VRK2: variants seen among roughly 807,000 people sequenced by gnomAD.
VRK2 encodes serine/threonine-protein kinase VRK2.
Under a neutral mutation model 57.6 loss-of-function variants are expected in VRK2, and 60 were observed. The ratio of observed to expected loss-of-function variants is 1.04; its 90% CI spans 0.85 to 1.29. The LOEUF (loss-of-function observed/expected upper bound fraction) is 1.29. VRK2 is among the 50% of genes most tolerant of loss of function. The pLI is 0.00. For synonymous variants in VRK2, 231 were observed against 199.2 expected (o/e 1.16, Z -1.35); for missense variants, 705 against 588.1 (o/e 1.20, Z -2.06).
intron 1 of VRK2, among the ~76,000 whole-genome samples, chr2:58,010,073 G>A (rs932620179): frequency 2.0e-5 from 3 of 152,044 alleles, no homozygotes; most frequent in African/African-American, 7.2e-5. Flanking sequence ...GCCTAGGGCA[G>A]GATTTATTTT....
chr2:57,950,909 T>C (rs1671407501), intron 1 of VRK2, among the ~76,000 whole-genome samples: 1 of 151,870 alleles, frequency 6.6e-6, no homozygotes, highest in African/African-American at 2.4e-5. Context: ...CTGGCCAACA[T>C]GGTGAAACTC....
intron 1 of VRK2, among the ~76,000 whole-genome samples, chr2:57,927,686 T>A (rs1454936570): frequency 6.6e-6 from 1 of 152,230 alleles, no homozygotes; most frequent in African/African-American, 2.4e-5. Flanking sequence ...TTTTTTCAGA[T>A]TAAAAAACTC....
At chr2:57,998,615 G>C (rs962419880) in intron 1 of VRK2, among the ~76,000 whole-genome samples, 4 of 152,052 alleles carry the variant, frequency 2.6e-5, no homozygotes, top group African/African-American at 7.2e-5. Flanking sequence ...AGATTATATT[G>C]AGAATTTTAT....
intron 7 of VRK2, 137 bp from the exon 8 acceptor site, chr2:58,122,964 A>G: frequency 9.2e-7 from 1 of 1,092,136 alleles, no homozygotes; most frequent in East Asian, 3.0e-5. Context: ...TACATATTTT[A>G]TCCTAAGGCA....
chr2:57,935,860 G>A (rs1240197765), intron 1 of VRK2, among the ~76,000 whole-genome samples: 1 of 152,160 alleles, frequency 6.6e-6, no homozygotes, highest in East Asian at 1.9e-4. Context: ...TTGGAGGAAG[G>A]GTAACAGATA....
chr2:57,977,930 G>A (rs1008254881), intron 1 of VRK2, among the ~76,000 whole-genome samples: 1 of 151,120 alleles, frequency 6.6e-6, no homozygotes, highest in African/African-American at 2.5e-5. Flanking sequence ...AACATGAAGG[G>A]TGTTGAATTT....
intron 2 of VRK2, among the ~76,000 whole-genome samples, chr2:58,066,809 T>C (rs1668674970): frequency 6.6e-6 from 1 of 152,218 alleles, no homozygotes; most frequent in Non-Finnish European, 1.5e-5. Flanking sequence ...TAGTAGTTCA[T>C]GGTTTTTAAG....
intron 12 of VRK2, among the ~76,000 whole-genome samples, chr2:58,147,388 A>C (rs1682324869): frequency 6.6e-6 from 1 of 151,940 alleles, no homozygotes. Context: ...TTTTAAATTT[A>C]TGTAAGGAAC....
At chr2:57,927,063 T>G (rs1471726308) in intron 1 of VRK2, among the ~76,000 whole-genome samples, 1 of 150,608 alleles carries the variant, frequency 6.6e-6, no homozygotes, top group Non-Finnish European at 1.5e-5. Context: ...CCCAGGAGGC[T>G]TCTGAATAAT....
intron 1 of VRK2, among the ~76,000 whole-genome samples, chr2:58,005,060 T>C (rs766013066): frequency 2.0e-5 from 3 of 152,156 alleles, no homozygotes; most frequent in Admixed American, 6.5e-5. Flanking sequence ...TTAACATTCA[T>C]GCAATGAAGA....
intron 1 of VRK2, among the ~76,000 whole-genome samples, chr2:57,998,740 T>C (rs1672999782): frequency 6.6e-6 from 1 of 152,334 alleles, no homozygotes; most frequent in African/African-American, 2.4e-5. Flanking sequence ...TAATTACATG[T>C]TGTATTTTGA....
At chr2:58,062,532 G>A (rs1186041688) in intron 2 of VRK2, among the ~76,000 whole-genome samples, 2 of 152,024 alleles carry the variant, frequency 1.3e-5, no homozygotes, top group Non-Finnish European at 2.9e-5. Context: ...GAATGCAAAG[G>A]AAAAGTTCTT....
At position 57,987,699 on chromosome 2, in the gene VRK2, T is replaced by C. The variant is rs377413870; in HGVS notation, c.-438-37966T>C. On this transcript the variant is annotated intron_variant, in intron 1 of 15. Transcript: ENST00000417641. ...ATTTATGTTCACACAAAAACCTATA[T>C]ATGAATATTTGTAGTATATTTATTC... Among the ~76,000 whole-genome samples, 57 of 152,292 alleles carry C rather than the reference T, an allele frequency of 3.7e-4. 1 individual carries two copies. In the South Asian group the frequency reaches 0.01, roughly 28 times the overall value.
intron 1 of VRK2, among the ~76,000 whole-genome samples, chr2:58,003,678 C>T (rs1673156434): frequency 6.6e-6 from 1 of 152,120 alleles, no homozygotes; most frequent in Admixed American, 6.5e-5. Context: ...TAAAACAGTG[C>T]ATTGCATTCT....
chr2:58,076,252 G>A (rs1670095614), intron 2 of VRK2, among the ~76,000 whole-genome samples: 2 of 151,422 alleles, frequency 1.3e-5, no homozygotes, highest in South Asian at 4.2e-4. Flanking sequence ...TGAAATTATT[G>A]TAAGTCAGTA....
At chr2:57,913,076 A>T (rs960480083) in intron 1 of VRK2, among the ~76,000 whole-genome samples, 2 of 152,180 alleles carry the variant, frequency 1.3e-5, no homozygotes, top group African/African-American at 4.8e-5. Context: ...ACTGTGAAAA[A>T]CAAATGCTTG....
intron 1 of VRK2, among the ~76,000 whole-genome samples, chr2:57,943,025 G>A (rs1156573925): frequency 5.9e-5 from 9 of 152,068 alleles, no homozygotes; most frequent in Non-Finnish European, 1.5e-5. Flanking sequence ...TTTTATATAG[G>A]CATTATAAGC....
chr2:57,949,856 GAA>G (rs1354898304), intron 1 of VRK2, among the ~76,000 whole-genome samples: 19 of 152,184 alleles, frequency 1.2e-4, no homozygotes, highest in African/African-American at 4.6e-4. Context: ...CTAATCCAGT[GAA>G]CACACAAATG....
chr2:57,912,050 C>T (rs1290417950), intron 1 of VRK2, among the ~76,000 whole-genome samples: 1 of 152,062 alleles, frequency 6.6e-6, no homozygotes, highest in African/African-American at 2.4e-5. Context: ...GCTGGATTTA[C>T]AATACAAAAT....
Sources: allele counts gnomAD v4.1 joint callset (sites outside exome capture counted in the v4.1 genomes callset), GRCh38; gene constraint gnomAD v4.1.1; transcripts MANE v1.5; gene names NCBI Gene and HGNC (gene_info 2026-07-23, HGNC 2026-07-21).